Variants in LEKR1 observed in about 807,000 individuals in gnomAD.
LEKR1 encodes leucine, glutamate and lysine rich 1, also known as protein LEKR1.
A neutral mutation model predicts 72.4 loss-of-function variants in LEKR1; 59 were observed. That is an observed-to-expected ratio of 0.82 (90% confidence interval 0.66 to 1.01). The LOEUF is 1.01. Among genes scored for constraint, LEKR1 ranks in the 50% least tolerant of loss-of-function variants. The pLI is 0.00. For missense variants in LEKR1, 728 were observed against 759.2 expected (o/e 0.96, Z 0.48); for synonymous variants, 257 against 263.2 (o/e 0.98, Z 0.23).
chr3:157,042,637 C>G (rs1000485171), intron 12 of LEKR1, among the ~76,000 whole-genome samples: 1 of 152,230 alleles, frequency 6.6e-6, no homozygotes. Flanking sequence ...ATCATTACTC[C>G]TTTCCTTTGA....
At chr3:156,979,642 A>C (rs190346564) in intron 7 of LEKR1, 1 of 154,320 alleles carries the variant, frequency 6.5e-6, no homozygotes, top group African/African-American at 2.4e-5. Context: ...TCCACAAGAA[A>C]CAATATTGAA....
chr3:157,044,065 G>T lies in LEKR1; in HGVS notation c.1669-1275G>T, dbSNP rs965508254. On this transcript the variant is annotated intron_variant, in intron 12 of 12. Coordinates refer to ENST00000356539, the MANE Select transcript of LEKR1 (RefSeq NM_001004316.3). ...AAACAGGAAGATACTACTGTCCCTG[G>T]TGCTTTGTTATTTAGTTCTTCTGAC... is the stretch of plus-strand genomic sequence containing the variant. Among the ~76,000 whole-genome samples, 46 of 152,172 alleles carry T rather than the reference G, an allele frequency of 3.0e-4. 2 individuals carry two copies. Among genetic ancestry groups the T allele is most frequent in the Admixed American group, 2.6e-3 (40 of 15,276 alleles).
intron 3 of LEKR1, among the ~76,000 whole-genome samples, chr3:156,857,991 T>C (rs980575096): frequency 6.6e-6 from 1 of 152,200 alleles, no homozygotes; most frequent in African/African-American, 2.4e-5. Flanking sequence ...ATGTATTTTG[T>C]AGGGGGAGGG....
chr3:157,024,886 C>T lies in LEKR1; in HGVS notation c.1330C>T (p.Gln444Ter), dbSNP rs1577013025. 1.2e-6 allele frequency: 2 copies of T among 1,603,488 alleles called. No homozygotes were observed. The highest frequency in any genetic ancestry group is 1.7e-6 in the Non-Finnish European group (2 of 1,172,974). ...IEKEKHQDVI[Q>*]KYKKEQEELQ... ...AAAAGAAAAACACCAAGATGTAATC[C>T]AAAAGTATAAGAAAGAACAAGAGGA... is the stretch of plus-strand genomic sequence containing the variant. Residue 444 changes from glutamine (Q) to a stop codon, truncating the protein, a stop_gained, in exon 11 of 13, where the codon CAA (glutamine) becomes TAA (stop). Transcript: ENST00000356539. LOFTEE classifies it high-confidence loss of function.
intron 4 of LEKR1, chr3:156,924,978 T>C (rs1724567324): frequency 6.6e-6 from 1 of 152,590 alleles, no homozygotes; most frequent in Non-Finnish European, 1.5e-5. Context: ...CAAAGTAACC[T>C]GCTGGGATTT....
chr3:156,837,626 T>C (rs1014605188), intron 2 of LEKR1, among the ~76,000 whole-genome samples: 3 of 152,120 alleles, frequency 2.0e-5, no homozygotes, highest in Non-Finnish European at 4.4e-5. Flanking sequence ...CACATAAAGA[T>C]AAAAACTGAG....
intron 9 of LEKR1, among the ~76,000 whole-genome samples, chr3:157,010,369 A>T (rs1215902126): frequency 6.6e-6 from 1 of 152,088 alleles, no homozygotes; most frequent in African/African-American, 2.4e-5. Context: ...AGATGATTCA[A>T]ACCTTCAGAA....
chr3:156,944,827 A>G (rs548789941), intron 6 of LEKR1, among the ~76,000 whole-genome samples: 18 of 151,892 alleles, frequency 1.2e-4, no homozygotes, highest in African/African-American at 3.6e-4. Flanking sequence ...GTTGATGGAC[A>G]TTTGGGTTAC....
At chr3:156,908,288 C>T (rs1722729507) in intron 3 of LEKR1, among the ~76,000 whole-genome samples, 1 of 152,070 alleles carries the variant, frequency 6.6e-6, no homozygotes, top group African/African-American at 2.4e-5. Context: ...AACCTTTTAC[C>T]TGTTTTTTCA....
intron 3 of LEKR1, among the ~76,000 whole-genome samples, chr3:156,884,504 A>G (rs1719848527): frequency 1.3e-5 from 2 of 152,074 alleles, no homozygotes; most frequent in Admixed American, 6.6e-5. Flanking sequence ...GATTTGTTTG[A>G]CTGAAAAAGA....
chr3:156,862,014 G>A (rs144532628), intron 3 of LEKR1, among the ~76,000 whole-genome samples: 2 of 152,140 alleles, frequency 1.3e-5, no homozygotes, highest in South Asian at 2.1e-4. Flanking sequence ...TATAAATAAT[G>A]TTTACCTGGG....
intron 6 of LEKR1, among the ~76,000 whole-genome samples, chr3:156,968,027 G>A (rs1728792375): frequency 6.6e-6 from 1 of 152,078 alleles, no homozygotes; most frequent in Admixed American, 6.5e-5. Context: ...GCCAAACTAA[G>A]CTTCATAAGT....
chr3:156,996,482 G>A (rs1463859293), intron 9 of LEKR1, among the ~76,000 whole-genome samples: 1 of 152,222 alleles, frequency 6.6e-6, no homozygotes, highest in African/African-American at 2.4e-5. Context: ...GAGTTTGGGT[G>A]CTGTTTTCAG....
At chr3:156,955,958 T>TAA (rs34940582) in intron 6 of LEKR1, among the ~76,000 whole-genome samples, 2 of 147,346 alleles carry the variant, frequency 1.4e-5, no homozygotes, top group African/African-American at 5.0e-5. Context: ...GTAGAATAGT[T>TAA]AAAAAAAAAA....
intron 7 of LEKR1, among the ~76,000 whole-genome samples, chr3:156,982,464 T>G (rs1216357013): frequency 1.3e-5 from 2 of 152,210 alleles, no homozygotes; most frequent in Non-Finnish European, 2.9e-5. Flanking sequence ...TTTCCTTGTC[T>G]AGAACCCTTT....
At chr3:156,836,037 C>T (rs1213224393) in intron 2 of LEKR1, among the ~76,000 whole-genome samples, 1 of 151,802 alleles carries the variant, frequency 6.6e-6, no homozygotes, top group Non-Finnish European at 1.5e-5. Flanking sequence ...CCATGCCTGG[C>T]TGATTTTTGT....
rs565986400 is a variant in LEKR1 at position 156,890,212 on chromosome 3, G to A, written c.264-30363G>A. On this transcript the variant is annotated intron_variant, in intron 3 of 12. Coordinates refer to ENST00000356539, the MANE Select transcript of LEKR1 (RefSeq NM_001004316.3). ...AAAGTTTTCTTAACTTTAGGAAAAT[G>A]TTATTTTGAAAAACATTTTAATATC... 1.6e-3 allele frequency among the ~76,000 whole-genome samples: 237 copies of A among 152,206 alleles called. 1 individual carries two copies. The highest frequency in any genetic ancestry group is 0.014 in the Middle Eastern group (4 of 294).
chr3:156,898,524 G>C (rs1465512143), intron 3 of LEKR1, among the ~76,000 whole-genome samples: 4 of 152,122 alleles, frequency 2.6e-5, no homozygotes, highest in Non-Finnish European at 4.4e-5. Context: ...CGGACCTGCC[G>C]GCACCTTGAT....
chr3:156,907,785 C>T (rs983594478), intron 3 of LEKR1, among the ~76,000 whole-genome samples: 3 of 152,152 alleles, frequency 2.0e-5, no homozygotes, highest in African/African-American at 7.2e-5. Flanking sequence ...TGTTATAATA[C>T]TGTTAACTAA....
Sources: allele counts gnomAD v4.1 joint callset (sites outside exome capture counted in the v4.1 genomes callset), GRCh38; gene constraint gnomAD v4.1.1; transcripts MANE v1.5; gene names NCBI Gene and HGNC (gene_info 2026-07-23, HGNC 2026-07-21).